TMEM14B: variants seen among roughly 807,000 people sequenced by gnomAD.
TMEM14B encodes the protein transmembrane protein 14B.
A neutral mutation model predicts 14.8 loss-of-function variants in TMEM14B; 9 were observed. The ratio of observed to expected loss-of-function variants is 0.61; its 90% CI spans 0.37 to 1.06. TMEM14B has a LOEUF of 1.06. TMEM14B is among the 50% of genes least tolerant of loss of function. The pLI, the probability that TMEM14B is intolerant of heterozygous loss-of-function variation, is 0.01. For missense variants in TMEM14B, 128 were observed against 143.6 expected (o/e 0.89, Z 0.56); for synonymous variants, 40 against 51.3 (o/e 0.78, Z 0.94).
At chr6:10,756,201 G>T (rs1304574453) in intron 5 of TMEM14B, among the ~76,000 whole-genome samples, 1 of 152,244 alleles carries the variant, frequency 6.6e-6, no homozygotes, top group Admixed American at 6.5e-5. Flanking sequence ...GCTTTCTCTT[G>T]CCTCCATTTC....
At position 10,749,650 on chromosome 6, in the gene TMEM14B, T is replaced by C. The variant is rs772364189; in HGVS notation, c.52T>C (p.Tyr18His). The change falls in exon 3 of 6, where the codon TAC becomes CAC. Residue 18 changes from tyrosine (Y) to histidine (H), a missense_variant. Tyr to His is a moderately conservative substitution (Grantham distance 83). Transcript: ENST00000379542. ...LVPLHWFGFG[Y>H]TALVVSGGIV... ...GCCTTTGCATTGGTTTGGCTTTGGC[T>C]ACACAGCACTGGTTGTTTCTGGTGG... The C allele has an allele frequency of 6.2e-7, 1 of 1,614,280 alleles. No individual in the cohort carries two copies. The highest frequency in any genetic ancestry group is 2.2e-5 in the East Asian group (1 of 44,894).
intron 1 of TMEM14B, among the ~76,000 whole-genome samples, chr6:10,748,617 A>C (rs1179770738): frequency 6.6e-6 from 1 of 152,244 alleles, no homozygotes; most frequent in Non-Finnish European, 1.5e-5. Context: ...CACTGCATAC[A>C]GAATACTTTT....
intron 1 of TMEM14B, among the ~76,000 whole-genome samples, chr6:10,748,810 C>G (rs1771436221): frequency 1.3e-5 from 2 of 152,104 alleles, no homozygotes; most frequent in Admixed American, 1.3e-4. Flanking sequence ...AGAAAAGCAA[C>G]ATCCCTACCA....
At position 10,755,158 on chromosome 6, in the gene TMEM14B, T is replaced by C; in HGVS notation, c.219T>C (p.Thr73=). The part of the protein sequence containing the change: ...VWGFLAATSV[T]FVGVMGMRSY... ...CTTTTTCAGCCGCTACATCTGTTAC[T>C]TTTGTTGGTGTTATGGGAATGAGAT... The change falls in exon 5 of 6, where the codon ACT becomes ACC. Residue 73 remains threonine, a synonymous_variant. Coordinates refer to ENST00000379542, the MANE Select transcript of TMEM14B (RefSeq NM_030969.5). The C allele has an allele frequency of 6.2e-7, 1 of 1,614,022 alleles. No homozygotes were observed. Among genetic ancestry groups the C allele is most frequent in the South Asian group, 1.1e-5 (1 of 91,076 alleles).
intron 4 of TMEM14B, among the ~76,000 whole-genome samples, chr6:10,751,741 T>C (rs937775832): frequency 6.6e-6 from 1 of 152,098 alleles, no homozygotes; most frequent in Non-Finnish European, 1.5e-5. Flanking sequence ...TAACTAAATA[T>C]ATAAGACGTA....
In TMEM14B at chr6:10,754,787, G is replaced by T. The variant is rs1771742360; in HGVS notation, c.203-355G>T. ...GACAGATACCCAGTGGGAATTGCAT[G>T]CAGGGTAGAGGAAATAGCGTCTGCA... On this transcript the variant is annotated intron_variant, in intron 4 of 5. Coordinates refer to ENST00000379542, the MANE Select transcript of TMEM14B (RefSeq NM_030969.5). 2.6e-5 allele frequency among the ~76,000 whole-genome samples: 4 copies of T among 152,346 alleles called. No individual in the cohort carries two copies. The South Asian group carries it at 8.3e-4, about 32-fold the overall frequency.
intron 1 of TMEM14B, among the ~76,000 whole-genome samples, chr6:10,748,495 C>T (rs761118337): frequency 1.3e-5 from 2 of 152,144 alleles, no homozygotes; most frequent in African/African-American, 4.8e-5. Context: ...TCAGGTAATC[C>T]GCCTGCCTGG....
chr6:10,748,947 A>G (rs548169991), intron 1 of TMEM14B, among the ~76,000 whole-genome samples: 9 of 152,288 alleles, frequency 5.9e-5, no homozygotes, highest in African/African-American at 2.2e-4. Context: ...TGGTCAGTGG[A>G]TCTTGCTGAG....
At chr6:10,748,669 A>G (rs947403735) in intron 1 of TMEM14B, among the ~76,000 whole-genome samples, 2 of 152,182 alleles carry the variant, frequency 1.3e-5, no homozygotes, top group Non-Finnish European at 2.9e-5. Flanking sequence ...GTGCAATGTC[A>G]CATGTGATTC....
At chr6:10,750,221 G>T (rs574814630) in intron 3 of TMEM14B, among the ~76,000 whole-genome samples, 4 of 151,408 alleles carry the variant, frequency 2.6e-5, no homozygotes, top group Admixed American at 1.3e-4. Context: ...TTTGTGATTT[G>T]CTGGAGGTCC....
chr6:10,753,866 T>C (rs1215873189), intron 4 of TMEM14B, among the ~76,000 whole-genome samples: 3 of 151,980 alleles, frequency 2.0e-5, no homozygotes, highest in Admixed American at 1.3e-4. Flanking sequence ...TAGTCCCAGT[T>C]ATCCCCTCTT....
chr6:10,755,599 T>G, intron 5 of TMEM14B: 1 of 1,257,828 alleles, frequency 8.0e-7, no homozygotes. Context: ...AAAGGAAATT[T>G]TGATTGAATC....
chr6:10,759,541 A>G (rs1470509561), downstream of TMEM14B: 1 of 152,178 alleles, frequency 6.6e-6, no homozygotes, highest in Admixed American at 6.5e-5. Flanking sequence ...GGATGCACCA[A>G]TTTATCCTCC....
At chr6:10,749,316 C>T (rs761417646) in intron 2 of TMEM14B, 48 bp downstream of exon 2, 1 of 1,609,774 alleles carries the variant, frequency 6.2e-7, no homozygotes, top group Admixed American at 1.7e-5. Flanking sequence ...CTTCTGGAAA[C>T]CAGAGTTCCT....
At position 10,756,468 on chromosome 6, in the gene TMEM14B, T is replaced by A; in HGVS notation, c.295T>A (p.Leu99Met). The A allele has an allele frequency of 6.2e-7, 1 of 1,613,978 alleles. No homozygotes were observed. Among genetic ancestry groups the A allele is most frequent in the Non-Finnish European group, 8.5e-7 (1 of 1,179,930 alleles). ...MPVGLIAGAS[L>M]LMAAKVGVRM... ...TTCTATCTTACTTGTTTTAAACAGT[T>A]TGCTGATGGCCGCCAAAGTTGGAGT... Residue 99 changes from leucine (L) to methionine (M), a missense_variant and splice_region_variant, in exon 6 of 6, where the codon TTG (leucine) becomes ATG (methionine). Coordinates refer to ENST00000379542, the MANE Select transcript of TMEM14B (RefSeq NM_030969.5).
At chr6:10,754,357 C>T (rs114300062) in intron 4 of TMEM14B, among the ~76,000 whole-genome samples, 1,815 of 152,298 alleles carry the variant, frequency 0.012, 31 homozygotes, top group African/African-American at 0.042. Flanking sequence ...GCGCCTCTTA[C>T]TCACAAACTG....
chr6:10,752,390 T>G (rs1014435158), intron 4 of TMEM14B, among the ~76,000 whole-genome samples: 1 of 151,816 alleles, frequency 6.6e-6, no homozygotes, highest in Non-Finnish European at 1.5e-5. Context: ...GTATTCCTCC[T>G]TTTAGGTGGA....
At chr6:10,758,025 C>A (rs576913773), downstream of TMEM14B, among the ~76,000 whole-genome samples, 70 of 152,038 alleles carry the variant, frequency 4.6e-4, no homozygotes, top group African/African-American at 1.5e-3. Flanking sequence ...TACTGATTTA[C>A]CCTAACTGAT....
At position 10,747,826 on chromosome 6, in the gene TMEM14B, T is replaced by C. The variant is rs1216363700; in HGVS notation, c.-100T>C. 2 of 152,354 alleles carry C rather than the reference T, an allele frequency of 1.3e-5. No individual in the cohort carries two copies. The highest frequency in any genetic ancestry group is 4.8e-5 in the African/African-American group (2 of 41,480). 9.4% of individuals were successfully genotyped at this position (152,354 alleles called of 1,614,324 possible). On this transcript the variant is annotated 5_prime_UTR_variant, in exon 1 of 6. Coordinates refer to ENST00000379542, the MANE Select transcript of TMEM14B (RefSeq NM_030969.5). The stretch of plus-strand genomic sequence containing the variant: ...ACGCAATCGCGTTTCCGGAGAGACC[T>C]GGCTGCTGTGTCCCGCGGCTTGCGC...
Sources: allele counts gnomAD v4.1 joint callset (sites outside exome capture counted in the v4.1 genomes callset), GRCh38; gene constraint gnomAD v4.1.1; transcripts MANE v1.5; gene names NCBI Gene and HGNC (gene_info 2026-07-23, HGNC 2026-07-21).